Variants in COL22A1 observed in about 807,000 individuals in gnomAD.
COL22A1 encodes collagen type XXII alpha 1 chain, also known as collagen alpha-1(XXII) chain.
A neutral mutation model predicts 248.9 loss-of-function variants in COL22A1; 221 were observed. That is an observed-to-expected ratio of 0.89 (90% CI 0.80 to 0.99). COL22A1 has a LOEUF of 0.99. COL22A1 is among the 50% of genes least tolerant of loss of function. COL22A1 has a pLI of 0.00. For synonymous variants in COL22A1, 891 were observed against 793.4 expected (o/e 1.12, Z -2.07); for missense variants, 2,240 against 2,179.0 (o/e 1.03, Z -0.56).
intron 16 of COL22A1, among the ~76,000 whole-genome samples, chr8:138,769,940 T>C (rs2131450460): frequency 6.6e-6 from 1 of 152,282 alleles, no homozygotes; most frequent in Middle Eastern, 3.4e-3. Flanking sequence ...TTAGGGACCT[T>C]CTACCAGGTG....
Position 138,716,687 on chromosome 8 carries a change from C to A in COL22A1, c.2400+138G>T, listed in dbSNP as rs576207451. 82 of 676,220 alleles carry A rather than the reference C, an allele frequency of 1.2e-4. No individual in the cohort carries two copies. The African/African-American group carries it at 1.3e-3, about 11-fold the overall frequency. The allele number at this position is 676,220 out of a possible 1,614,324, so 41.9% of individuals were successfully genotyped here. A position where few individuals can be genotyped will look rare whatever the true frequency, so the allele number is the denominator to read the frequency against. ...ATCTGTTCAATTGTTCTTCAATGTC[C>A]AGTTTATCCTGGACATATAGTGAGC... On this transcript the variant is annotated intron_variant, in intron 28 of 64. Transcript: ENST00000303045.
chr8:138,894,580 G>C (rs758594149), intron 1 of COL22A1, among the ~76,000 whole-genome samples: 1 of 152,136 alleles, frequency 6.6e-6, no homozygotes, highest in African/African-American at 2.4e-5. Flanking sequence ...GAGATCAAAG[G>C]CAGATGGGCA....
At chr8:138,802,827 C>T in intron 11 of COL22A1, 45 bp downstream of exon 11, 4 of 1,516,722 alleles carry the variant, frequency 2.6e-6, no homozygotes, top group Admixed American at 1.7e-5. Context: ...GTCCCCCACG[C>T]CCGCCCTGAG....
intron 6 of COL22A1, among the ~76,000 whole-genome samples, chr8:138,824,626 G>A (rs1407039679): frequency 2.0e-5 from 3 of 152,200 alleles, no homozygotes; most frequent in African/African-American, 7.2e-5. Flanking sequence ...GGTTGTAAAT[G>A]GCAAATGAAA....
intron 12 of COL22A1, among the ~76,000 whole-genome samples, chr8:138,792,740 T>G (rs1226832130): frequency 6.6e-6 from 1 of 152,158 alleles, no homozygotes; most frequent in African/African-American, 2.4e-5. Context: ...CATCAGCTAA[T>G]GAGAGTGTGC....
chr8:138,600,817 T>C (rs1433191077), intron 60 of COL22A1, among the ~76,000 whole-genome samples: 5 of 152,238 alleles, frequency 3.3e-5, no homozygotes, highest in Admixed American at 6.5e-5. Flanking sequence ...TCTCTGTCAG[T>C]GATCTTGAAT....
intron 34 of COL22A1, among the ~76,000 whole-genome samples, chr8:138,693,945 CTG>C (rs1827288648): frequency 6.6e-6 from 1 of 152,136 alleles, no homozygotes; most frequent in Non-Finnish European, 1.5e-5. Flanking sequence ...CACCGACCCT[CTG>C]TAGAAATGTA....
chr8:138,826,378 A>G (rs1819580809), intron 6 of COL22A1, among the ~76,000 whole-genome samples: 1 of 152,154 alleles, frequency 6.6e-6, no homozygotes, highest in African/African-American at 2.4e-5. Flanking sequence ...GTTGGTGTCC[A>G]TGTCCTTGGC....
At chr8:138,901,001 T>G (rs999732513) in intron 1 of COL22A1, among the ~76,000 whole-genome samples, 1 of 152,170 alleles carries the variant, frequency 6.6e-6, no homozygotes, top group African/African-American at 2.4e-5. Context: ...TTGATGAGAT[T>G]TTGTTGTTTT....
At chr8:138,903,818 G>A (rs563702009) in intron 1 of COL22A1, among the ~76,000 whole-genome samples, 41 of 152,292 alleles carry the variant, frequency 2.7e-4, no homozygotes, top group South Asian at 6.2e-4. Context: ...AATTTGACAA[G>A]AGCCAAGCAT....
chr8:138,599,546 C>T (rs1487713281), intron 60 of COL22A1, among the ~76,000 whole-genome samples: 1 of 152,098 alleles, frequency 6.6e-6, no homozygotes, highest in South Asian at 2.1e-4. Flanking sequence ...TGTTATGACT[C>T]CATCATTAGC....
chr8:138,698,721 G>A (rs1331650649), intron 32 of COL22A1, among the ~76,000 whole-genome samples: 4 of 151,536 alleles, frequency 2.6e-5, no homozygotes, highest in African/African-American at 9.7e-5. Context: ...CATGCAGTGA[G>A]TACCTGCCAT....
rs1587740270 is a variant in COL22A1, at chr8:138,641,849, A to G, written c.3501+4780T>C. On this transcript the variant is annotated intron_variant, in intron 47 of 64. Coordinates refer to ENST00000303045, the MANE Select transcript of COL22A1 (RefSeq NM_152888.3). Reference sequence around the variant, plus strand: ...TCAGGGGTAGCATTTTCAGTTTACAAACTCATCTTCACATCCCCAAGTCTA... The same window carrying G: ...TCAGGGGTAGCATTTTCAGTTTACAGACTCATCTTCACATCCCCAAGTCTA... Among the ~76,000 whole-genome samples the G allele has an allele frequency of 1.3e-5, 2 of 152,362 alleles. 1 individual carries two copies. The highest frequency in any genetic ancestry group is 4.1e-4 in the South Asian group (2 of 4,824).
At chr8:138,643,647 T>TAGATAGATAGACAGACAGACAGAC (rs568597361) in intron 47 of COL22A1, among the ~76,000 whole-genome samples, 8 of 26,622 alleles carry the variant, frequency 3.0e-4, no homozygotes, top group African/African-American at 4.7e-4. Flanking sequence ...GATAGATAGA[T>TAGATAGATAGACAGACAGACAGAC]AGACAGATAG....
At chr8:138,836,309 GGGAAAA>G (rs1053909004) in intron 4 of COL22A1, among the ~76,000 whole-genome samples, 16 of 151,900 alleles carry the variant, frequency 1.1e-4, no homozygotes, top group East Asian at 3.9e-4. Flanking sequence ...GAAAGGGAAA[GGGAAAA>G]GGAAAAGGAA....
intron 30 of COL22A1, 84 bp downstream of exon 30, chr8:138,715,598 A>T: frequency 1.3e-5 from 10 of 749,846 alleles, no homozygotes; most frequent in Non-Finnish European, 2.2e-5. Context: ...AAAAAGATAG[A>T]GTATATTCTG....
intron 3 of COL22A1, among the ~76,000 whole-genome samples, chr8:138,867,659 T>C (rs1822999653): frequency 6.6e-6 from 1 of 152,148 alleles, no homozygotes; most frequent in South Asian, 2.1e-4. Context: ...ATAACAAGAG[T>C]TAACCTGTGA....
intron 44 of COL22A1, among the ~76,000 whole-genome samples, chr8:138,659,040 C>T (rs75088226): frequency 0.018 from 2,667 of 152,256 alleles, 80 homozygotes; most frequent in African/African-American, 0.06. Flanking sequence ...CAGAGGTCAT[C>T]TGAACCCCCG....
intron 27 of COL22A1, among the ~76,000 whole-genome samples, chr8:138,717,408 A>G (rs1029131236): frequency 1.3e-4 from 20 of 152,218 alleles, no homozygotes; most frequent in African/African-American, 4.8e-4. Flanking sequence ...CGGCCTCCCA[A>G]AGTGCTGGGA....
Sources: allele counts gnomAD v4.1 joint callset (sites outside exome capture counted in the v4.1 genomes callset), GRCh38; gene constraint gnomAD v4.1.1; transcripts MANE v1.5; gene names NCBI Gene and HGNC (gene_info 2026-07-23, HGNC 2026-07-21).